The following KCNE4 variants were observed in gnomAD, a reference collection of about 807,000 sequenced individuals.
KCNE4 encodes the protein potassium voltage-gated channel subfamily E regulatory subunit 4.
A neutral mutation model predicts 9.2 loss-of-function variants in KCNE4; 6 were observed. The ratio of observed to expected loss-of-function variants is 0.65; its 90% confidence interval spans 0.36 to 1.29. The LOEUF is 1.29. Among genes scored for constraint, KCNE4 ranks in the 50% most tolerant of loss-of-function variants. The pLI is 0.03. For synonymous variants in KCNE4, 115 were observed against 103.2 expected, an observed-to-expected ratio of 1.11 and a Z score of -0.70; for missense variants, 222 against 228.8, an observed-to-expected ratio of 0.97 and a Z score of 0.19.
rs761346750 is a variant in KCNE4, at chr2:223,053,481, TG to T, written c.*142del. 3.2e-6 allele frequency: 3 copies of T among 942,834 alleles called. No homozygotes were observed. Among genetic ancestry groups the T allele is most frequent in the Non-Finnish European group, 5.0e-6 (3 of 601,404 alleles). 58.4% of individuals were successfully genotyped at this position (942,834 alleles called of 1,614,324 possible). On this transcript the variant is annotated 3_prime_UTR_variant, in exon 2 of 2. Coordinates refer to ENST00000281830, the MANE Select transcript of KCNE4 (RefSeq NM_080671.4). This position sits in a 1 kb window ranked among gnomAD's most constrained non-coding sequence, Gnocchi z 4.1. ...CCCTTGGTAAACCCCTGATTCGGGG[TG>T]GGGTGGGGGACTAGGCTCAGCCGGA...
Position 223,054,499 on chromosome 2 carries a change from C to T in KCNE4, c.*1156C>T, listed in dbSNP as rs753890072. 9 of 167,026 alleles carry T rather than the reference C, an allele frequency of 5.4e-5. No homozygotes were observed. Among genetic ancestry groups the T allele is most frequent in the Non-Finnish European group, 8.8e-5 (6 of 68,108 alleles). 10.3% of individuals were successfully genotyped at this position (167,026 alleles called of 1,614,324 possible). On this transcript the variant is annotated 3_prime_UTR_variant, in exon 2 of 2. Transcript: ENST00000281830. ...TTGGACCAAATGCTTCCCCTTTGGC[C>T]GGTTAGTCTGAACAAGGATCTGCTG...
Position 223,053,306 on chromosome 2 carries a change from G to T in KCNE4, c.476G>T (p.Ser159Ile). ...ETSETPLNESSEGSSENIHQN... is the reference protein window; with the variant it reads ...ETSETPLNESIEGSSENIHQN... ...TCGGAGACGCCCCTCAACGAGAGCA[G>T]CGAAGGGTCCTCGGAGAACATCCAT... is the stretch of plus-strand genomic sequence containing the variant. Residue 159 changes from serine (S) to isoleucine (I), a missense_variant, in exon 2 of 2, where the codon AGC (serine) becomes ATC (isoleucine). By Grantham distance (142) the Ser-to-Ile change is moderately radical. Coordinates refer to ENST00000281830, the MANE Select transcript of KCNE4 (RefSeq NM_080671.4). This position sits in a 1 kb window ranked among gnomAD's most constrained non-coding sequence, Gnocchi z 4.1. The T allele has an allele frequency of 6.2e-7, 1 of 1,614,000 alleles. No homozygotes were observed.
At chr2:223,052,724 TTGCA>T in intron 1 of KCNE4, 80 bp from the exon 2 acceptor site, 1 of 1,458,466 alleles carries the variant, frequency 6.9e-7, no homozygotes, top group Non-Finnish European at 9.3e-7. Flanking sequence ...TTTTTTGGTA[TTGCA>T]GTTCCACAAA....
Sources: allele counts gnomAD v4.1 joint callset, GRCh38; gene constraint gnomAD v4.1.1; non-coding constraint Gnocchi (gnomAD v3.1); transcripts MANE v1.5; gene names NCBI Gene and HGNC (gene_info 2026-07-23, HGNC 2026-07-21).